Variants in ITIH1 observed in about 807,000 individuals in gnomAD.
ITIH1 encodes the protein inter-alpha-trypsin inhibitor heavy chain H1.
ITIH1 carries 94 observed loss-of-function variants against 104.6 expected under a neutral mutation model. The observed-to-expected ratio is 0.90, with a 90% CI of 0.76 to 1.07. The LOEUF (loss-of-function observed/expected upper bound fraction) is 1.07. Ranked by LOEUF, ITIH1 falls within the 50% of genes least tolerant of loss-of-function variation. The pLI, the probability that ITIH1 is intolerant of heterozygous loss-of-function variation, is 0.00. For missense variants in ITIH1, 1,193 were observed against 1,181.4 expected (o/e 1.01, Z -0.14); for synonymous variants, 455 against 464.4 (o/e 0.98, Z 0.26).
intron 5 of ITIH1, chr3:52,780,065 G>T: frequency 9.3e-7 from 1 of 1,076,750 alleles, no homozygotes; most frequent in Admixed American, 2.9e-5. Context: ...AGGTGGCCAG[G>T]ACACATGCTG....
rs191667061 is a variant in ITIH1 at position 52,785,045 on chromosome 3, G to C, written c.1409G>C (p.Gly470Ala). 7.6e-5 allele frequency: 122 copies of C among 1,613,986 alleles called. No individual in the cohort carries two copies. The African/African-American group carries it at 1.6e-3, about 21-fold the overall frequency. Reference sequence around the variant, plus strand: ...AGGCTGCAACCTCTATCCCTGCAGGGTTTCTACAGCCAGGTAGCCAAACCC... The same window carrying C: ...AGGCTGCAACCTCTATCCCTGCAGGCTTTCTACAGCCAGGTAGCCAAACCC... ...EDHDATQQLQ[G>A]FYSQVAKPLL... is the part of the protein sequence containing the mutation. Residue 470 changes from glycine (G) to alanine (A), a missense_variant and splice_region_variant, in exon 12 of 22, where the codon GGT (glycine) becomes GCT (alanine). Gly to Ala is a moderately conservative substitution (Grantham distance 60). Coordinates refer to ENST00000273283, the MANE Select transcript of ITIH1 (RefSeq NM_002215.4).
rs754271106 is a variant in ITIH1, at chr3:52,780,334, G to A, written c.639G>A (p.Pro213=). Residue 213 remains proline, a synonymous_variant, in exon 6 of 22, where the codon CCG becomes CCA. Coordinates refer to ENST00000273283, the MANE Select transcript of ITIH1 (RefSeq NM_002215.4). The part of the protein sequence containing the change: ...SKLDAQASFL[P]KELAAQTIKK... ...TGGATGCCCAGGCCTCTTTCCTGCCGAAGGAACTGGCAGCCCAAACTATCA... is the reference window on the plus strand; with the variant it reads ...TGGATGCCCAGGCCTCTTTCCTGCCAAAGGAACTGGCAGCCCAAACTATCA... The A allele has an allele frequency of 2.4e-5, 38 of 1,613,962 alleles. No homozygotes were observed. The highest frequency in any genetic ancestry group is 5.0e-5 in the Admixed American group (3 of 59,992).
chr3:52,779,543 G>A lies in ITIH1; in HGVS notation c.522G>A (p.Gln174=). Residue 174 remains glutamine, a synonymous_variant, in exon 5 of 22, where the codon CAG becomes CAA. Transcript: ENST00000273283. This position sits in a 1 kb window ranked among gnomAD's most constrained non-coding sequence, Gnocchi z 4.4. ...AAGTGCTGAAGAGAAACCATATGCA[G>A]TATGAAATTGTCATCAAAGTCAAGC... The part of the protein sequence containing the change: ...YEEVLKRNHM[Q]YEIVIKVKPK... 3 of 1,614,240 alleles carry A rather than the reference G, an allele frequency of 1.9e-6. No individual in the cohort carries two copies. The highest frequency in any genetic ancestry group is 2.5e-6 in the Non-Finnish European group (3 of 1,180,046).
At chr3:52,787,465 C>T in intron 15 of ITIH1, 127 bp from the exon 16 acceptor site, 4 of 1,183,022 alleles carry the variant, frequency 3.4e-6, no homozygotes, top group South Asian at 1.2e-5. Context: ...AGGCAGGACC[C>T]CAGGGGAGGG....
Position 52,781,908 on chromosome 3 carries a change from C to T in ITIH1, c.688-32C>T, listed in dbSNP as rs769571972. 3.1e-6 allele frequency: 5 copies of T among 1,612,792 alleles called. No individual in the cohort carries two copies. The East Asian group carries it at 8.9e-5, about 29-fold the overall frequency. On this transcript the variant is annotated intron_variant, in intron 6 of 21. Coordinates refer to ENST00000273283, the MANE Select transcript of ITIH1 (RefSeq NM_002215.4). ...AACATCTTGTTTGTGGTTACACAGACCAGTAATGGCTCACACTCTCGACGG... is the reference window on the plus strand; with the variant it reads ...AACATCTTGTTTGTGGTTACACAGATCAGTAATGGCTCACACTCTCGACGG...
intron 5 of ITIH1, 62 bp from the exon 6 acceptor site, chr3:52,780,207 C>G (rs1698998492): frequency 8.1e-6 from 11 of 1,359,508 alleles, no homozygotes; most frequent in Non-Finnish European, 1.1e-5. Flanking sequence ...TGAGGCCAGC[C>G]TGGGCAACAA....
At chr3:52,784,501 C>T (rs986288061) in intron 11 of ITIH1, 24 bp downstream of exon 11, 2 of 1,608,096 alleles carry the variant, frequency 1.2e-6, no homozygotes, top group African/African-American at 2.7e-5. Flanking sequence ...ACCCCCTGTA[C>T]CTCCAATGGC....
At chr3:52,791,035 C>T (rs964823579) in intron 20 of ITIH1, 114 bp downstream of exon 20, 33 of 1,077,852 alleles carry the variant, frequency 3.1e-5, no homozygotes, top group Non-Finnish European at 4.2e-5. Flanking sequence ...GGCCCACCTC[C>T]AGTGTGGCCT....
chr3:52,781,324 T>C (rs1318197905), intron 6 of ITIH1, among the ~76,000 whole-genome samples: 1 of 149,340 alleles, frequency 6.7e-6, no homozygotes, highest in African/African-American at 2.5e-5. Context: ...TCCTTCTCCT[T>C]CTTCTTCTTC....
Position 52,783,526 on chromosome 3 carries a change from T to C in ITIH1, c.1225+187T>C, listed in dbSNP as rs184763546. On this transcript the variant is annotated intron_variant, in intron 10 of 21. Coordinates refer to ENST00000273283, the MANE Select transcript of ITIH1 (RefSeq NM_002215.4). Reference sequence around the variant, plus strand: ...CTGAGGGAGCTCTATGGTGTACCTCTGTCCTGTGAGTTGAGAAATTGGAGA... The same window carrying C: ...CTGAGGGAGCTCTATGGTGTACCTCCGTCCTGTGAGTTGAGAAATTGGAGA... 1.1e-3 allele frequency among the ~76,000 whole-genome samples: 161 copies of C among 152,328 alleles called. 2 individuals carry two copies. The highest frequency in any genetic ancestry group is 2.8e-4 in the Non-Finnish European group (19 of 68,026).
rs1191586636 is a variant in ITIH1, at chr3:52,786,876, G to A, written c.1734-69G>A. Reference sequence around the variant, plus strand: ...TGAATGAATGAATGAATGAATAAGTGAATGGATAGGTGAAAGGATGAGGGC... The same window carrying A: ...TGAATGAATGAATGAATGAATAAGTAAATGGATAGGTGAAAGGATGAGGGC... On this transcript the variant is annotated intron_variant, in intron 13 of 21. Coordinates refer to ENST00000273283, the MANE Select transcript of ITIH1 (RefSeq NM_002215.4). 7 of 1,464,232 alleles carry A rather than the reference G, an allele frequency of 4.8e-6. No homozygotes were observed. In the Middle Eastern group the frequency reaches 5.6e-4, roughly 116 times the overall value. 90.7% of individuals were successfully genotyped at this position (1,464,232 alleles called of 1,614,324 possible).
intron 10 of ITIH1, 128 bp downstream of exon 10, chr3:52,783,467 C>A: frequency 2.0e-6 from 2 of 983,140 alleles, no homozygotes; most frequent in Non-Finnish European, 3.0e-6. Context: ...CAAAATCAAG[C>A]ACTGGTCTAA....
In ITIH1 at chr3:52,791,620, G is replaced by A. The variant is rs144597024; in HGVS notation, c.2598G>A (p.Thr866=). 9.3e-5 allele frequency: 150 copies of A among 1,613,722 alleles called. No homozygotes were observed. Among genetic ancestry groups the A allele is most frequent in the Admixed American group, 2.0e-4 (12 of 60,004 alleles). ...ATMVVRNRRL[T]VTRGLQKDYS... ...TGGTGGTGAGGAACCGCCGGCTCAC[G>A]GTCACCAGGTGGGTGGGCTGCTTGC... The change falls in exon 21 of 22, where the codon ACG becomes ACA. Residue 866 remains threonine, a synonymous_variant. Coordinates refer to ENST00000273283, the MANE Select transcript of ITIH1 (RefSeq NM_002215.4).
intron 12 of ITIH1, 30 bp from the exon 13 acceptor site, chr3:52,786,265 C>A: frequency 6.4e-7 from 1 of 1,557,710 alleles, no homozygotes; most frequent in Non-Finnish European, 8.7e-7. Flanking sequence ...TATCATGGTG[C>A]ACCACCCCTC....
rs1014219685 is a variant in ITIH1 at position 52,778,265 on chromosome 3, G to C, written c.139-75G>C. On this transcript the variant is annotated intron_variant, in intron 2 of 21. Coordinates refer to ENST00000273283, the MANE Select transcript of ITIH1 (RefSeq NM_002215.4). ...ACCATGCACTGGGGCTAAGTGCCAA[G>C]TCCCCGTACCACAGGAAGTCCCTCG... 4.7e-6 allele frequency: 7 copies of C among 1,477,894 alleles called. No individual in the cohort carries two copies. The Admixed American group carries it at 1.0e-4, about 21-fold the overall frequency. The allele number at this position is 1,477,894 out of a possible 1,614,324, so 91.5% of individuals were successfully genotyped here. A position where few individuals can be genotyped will look rare whatever the true frequency, so the allele number is the denominator to read the frequency against.
Position 52,781,209 on chromosome 3 carries a change from TTCTTCTTCTTCTTC to T in ITIH1, c.688-729_688-716del, listed in dbSNP as rs1559461249. ...ACCTCCTCCTCTTCTTTTTTTTTTT[TTCTTCTTCTTCTTC>T]TTCTTCTTCTTCTTCTTCTTCTTCT... On this transcript the variant is annotated intron_variant, in intron 6 of 21. Transcript: ENST00000273283. Among the ~76,000 whole-genome samples the T allele has an allele frequency of 1.3e-3, 18 of 14,340 alleles. 3 individuals carry two copies. Among genetic ancestry groups the T allele is most frequent in the Middle Eastern group, 0.036 (1 of 28 alleles). The allele number at this position is 14,340 out of a possible 152,430, so 9.4% of individuals were successfully genotyped here.
rs914467100 is a variant in ITIH1 at position 52,779,371 on chromosome 3, C to A, written c.411-61C>A. 3.2e-6 allele frequency: 5 copies of A among 1,548,686 alleles called. No individual in the cohort carries two copies. The highest frequency in any genetic ancestry group is 4.5e-6 in the Non-Finnish European group (5 of 1,120,762). ...ATTCTGTGGGCCACATGTTAGGTGA[C>A]AAGGACCCAAATGTCATTTACCCTC... is the stretch of plus-strand genomic sequence containing the variant. On this transcript the variant is annotated intron_variant, in intron 4 of 21. Transcript: ENST00000273283. The surrounding 1 kb of genome is among the most constrained non-coding windows in gnomAD (Gnocchi z 4.4).
At chr3:52,784,948 C>A in intron 11 of ITIH1, 96 bp from the exon 12 acceptor site, 1 of 1,284,744 alleles carries the variant, frequency 7.8e-7, no homozygotes. Context: ...AATTCCTTCT[C>A]TAACTTGGGA....
At chr3:52,780,801 G>A (rs1390942062) in intron 6 of ITIH1, among the ~76,000 whole-genome samples, 1 of 152,360 alleles carries the variant, frequency 6.6e-6, no homozygotes, top group East Asian at 1.9e-4. Context: ...AGTTTGGAAA[G>A]ACCTTTGGCC....
Sources: allele counts gnomAD v4.1 joint callset (sites outside exome capture counted in the v4.1 genomes callset), GRCh38; gene constraint gnomAD v4.1.1; non-coding constraint Gnocchi (gnomAD v3.1); transcripts MANE v1.5; gene names NCBI Gene and HGNC (gene_info 2026-07-23, HGNC 2026-07-21).